KCNN2: variants seen among roughly 807,000 people sequenced by gnomAD.
KCNN2 encodes potassium calcium-activated channel subfamily N member 2, also known as small conductance calcium-activated potassium channel protein 2.
KCNN2 carries 24 observed loss-of-function variants against 55.5 expected under a neutral mutation model. The ratio of observed to expected loss-of-function variants is 0.43; its 90% CI spans 0.31 to 0.61. KCNN2 has a LOEUF of 0.61. Among genes scored for constraint, KCNN2 ranks in the 20% least tolerant of loss-of-function variants. The pLI, the probability that KCNN2 is intolerant of heterozygous loss-of-function variation, is 0.08. For missense variants in KCNN2, 754 were observed against 853.6 expected (o/e 0.88, Z 1.45); for synonymous variants, 431 against 336.1 (o/e 1.28, Z -3.09).
chr5:114,103,362 C>A (rs1751411637), intron 1 of KCNN2, among the ~76,000 whole-genome samples: 1 of 152,130 alleles, frequency 6.6e-6, no homozygotes, highest in Admixed American at 6.6e-5. Context: ...ACAATCATGT[C>A]ATCTGCAAAC....
intron 1 of KCNN2, among the ~76,000 whole-genome samples, chr5:114,133,138 G>C (rs1308641417): frequency 6.6e-6 from 1 of 151,942 alleles, no homozygotes; most frequent in Non-Finnish European, 1.5e-5. Flanking sequence ...ATGTAATTAG[G>C]GCATTAGTTG....
At chr5:114,392,808 T>G (rs982956265) in intron 2 of KCNN2, among the ~76,000 whole-genome samples, 13 of 70,490 alleles carry the variant, frequency 1.8e-4, no homozygotes, top group African/African-American at 3.7e-4. Flanking sequence ...TTTGTGGGGT[T>G]TTTTTTTTTT....
intron 1 of KCNN2, among the ~76,000 whole-genome samples, chr5:114,141,439 T>C (rs1580549772): frequency 1.3e-5 from 2 of 152,250 alleles, no homozygotes; most frequent in African/African-American, 4.8e-5. Context: ...GCTTCATGCA[T>C]GTCCCTACAA....
chr5:114,493,133 A>C (rs1017624643), intron 6 of KCNN2, among the ~76,000 whole-genome samples: 3 of 152,112 alleles, frequency 2.0e-5, no homozygotes, highest in Non-Finnish European at 4.4e-5. Context: ...TTAAATCCTT[A>C]TGAGTCTTTC....
chr5:114,285,305 A>T (rs865823734), intron 2 of KCNN2, among the ~76,000 whole-genome samples: 1 of 150,386 alleles, frequency 6.6e-6, no homozygotes, highest in Admixed American at 6.6e-5. Context: ...AAAAAAAAAA[A>T]AGAGAGACAG....
chr5:114,259,945 T>A (rs1755069702), intron 2 of KCNN2, among the ~76,000 whole-genome samples: 1 of 152,232 alleles, frequency 6.6e-6, no homozygotes, highest in Non-Finnish European at 1.5e-5. Context: ...TAGTCAGCCA[T>A]CTTGAATCCC....
At chr5:114,365,318 A>AT (rs1164176379) in intron 2 of KCNN2, among the ~76,000 whole-genome samples, 2 of 152,210 alleles carry the variant, frequency 1.3e-5, no homozygotes, top group Non-Finnish European at 2.9e-5. Flanking sequence ...ACACATTTGA[A>AT]TTTTTTAAAG....
At chr5:114,113,544 CT>C (rs775557520) in intron 1 of KCNN2, among the ~76,000 whole-genome samples, 1 of 152,024 alleles carries the variant, frequency 6.6e-6, no homozygotes, top group African/African-American at 2.4e-5. Context: ...CTGACGTTAG[CT>C]TTTCTTAACA....
intron 2 of KCNN2, among the ~76,000 whole-genome samples, chr5:114,365,344 T>G (rs1757569076): frequency 6.6e-6 from 1 of 152,264 alleles, no homozygotes; most frequent in Admixed American, 6.5e-5. Flanking sequence ...ACAGTTTACA[T>G]AGATTCATCT....
Position 114,313,490 on chromosome 5 carries a change from T to G in KCNN2, c.-184-47455T>G, listed in dbSNP as rs1046922818. 3.9e-5 allele frequency among the ~76,000 whole-genome samples: 6 copies of G among 152,114 alleles called. 1 individual carries two copies. Among genetic ancestry groups the G allele is most frequent in the Admixed American group, 3.9e-4 (6 of 15,250 alleles). On this transcript the variant is annotated intron_variant, in intron 2 of 10. Transcript: ENST00000512097. The stretch of plus-strand genomic sequence containing the variant: ...TGCTAGTAACTTAAATCAGCAAAAC[T>G]GCTACAGTGATGATAAAAAGGTGCT...
At chr5:114,125,990 T>G (rs2954361) in intron 1 of KCNN2, among the ~76,000 whole-genome samples, 1 of 152,166 alleles carries the variant, frequency 6.6e-6, no homozygotes, top group South Asian at 2.1e-4. Flanking sequence ...TAACAAAGGG[T>G]ATCCTTCCTA....
chr5:114,154,902 T>G (rs1301005585), intron 1 of KCNN2, among the ~76,000 whole-genome samples: 1 of 152,198 alleles, frequency 6.6e-6, no homozygotes, highest in Non-Finnish European at 1.5e-5. Flanking sequence ...ACTTTTATTT[T>G]AAGTTAGTGG....
chr5:114,237,930 A>T (rs1177651224), intron 2 of KCNN2, among the ~76,000 whole-genome samples: 1 of 152,132 alleles, frequency 6.6e-6, no homozygotes, highest in Non-Finnish European at 1.5e-5. Context: ...ATAGGAAGAG[A>T]TGGATGGAGG....
At chr5:114,343,158 A>C (rs1305977355) in intron 2 of KCNN2, among the ~76,000 whole-genome samples, 2 of 152,200 alleles carry the variant, frequency 1.3e-5, no homozygotes, top group East Asian at 1.9e-4. Flanking sequence ...TTTGATATGT[A>C]GTGGGTCAGG....
intron 1 of KCNN2, among the ~76,000 whole-genome samples, chr5:114,066,431 T>G (rs1472900183): frequency 6.6e-6 from 1 of 152,178 alleles, no homozygotes; most frequent in African/African-American, 2.4e-5. Context: ...TTGGGAGGAA[T>G]CTGAGAGCAA....
At chr5:114,229,862 G>A (rs374517366) in intron 2 of KCNN2, among the ~76,000 whole-genome samples, 1 of 152,250 alleles carries the variant, frequency 6.6e-6, no homozygotes, top group South Asian at 2.1e-4. Context: ...ACAAGAGTAT[G>A]GAAGGAGAGG....
upstream of KCNN2, among the ~76,000 whole-genome samples, chr5:114,360,459 A>T (rs759246150): frequency 4.6e-5 from 7 of 152,220 alleles, no homozygotes; most frequent in Non-Finnish European, 1.0e-4. Context: ...TCGTTGTAAT[A>T]GTCTTTATCA....
At chr5:114,236,700 T>C (rs905611245) in intron 2 of KCNN2, among the ~76,000 whole-genome samples, 2 of 152,172 alleles carry the variant, frequency 1.3e-5, no homozygotes, top group African/African-American at 2.4e-5. Flanking sequence ...TGTTTTTCTT[T>C]CTATTTGTGT....
At chr5:114,408,382 A>C (rs1192557904) in intron 3 of KCNN2, among the ~76,000 whole-genome samples, 2 of 152,066 alleles carry the variant, frequency 1.3e-5, no homozygotes, top group African/African-American at 4.8e-5. Flanking sequence ...TTTGGTAGTG[A>C]CTAGTTTTTA....
Sources: gnomAD v4.1 joint callset for allele counts (sites outside exome capture counted in the v4.1 genomes callset) on GRCh38, gnomAD v4.1.1 for gene constraint, MANE v1.5 for transcripts, NCBI Gene and HGNC (gene_info 2026-07-23, HGNC 2026-07-21) for gene names.